Variants in ADAD1 observed in about 807,000 individuals in gnomAD.
ADAD1 encodes the protein adenosine deaminase domain-containing protein 1.
In ADAD1, 46 loss-of-function variants were observed where a neutral mutation model predicts 66.8. That is an observed-to-expected ratio of 0.69 (90% confidence interval 0.54 to 0.88). The LOEUF is 0.88. ADAD1 is among the 40% of genes least tolerant of loss of function. ADAD1 has a pLI of 0.00. For synonymous variants in ADAD1, 248 were observed against 229.4 expected (o/e 1.08, Z -0.73); for missense variants, 617 against 681.8 (o/e 0.91, Z 1.06).
At position 122,379,045 on chromosome 4, in the gene ADAD1, C is replaced by T. The variant is rs1794739254; in HGVS notation, c.-153C>T. 1 of 152,320 alleles carries T rather than the reference C, an allele frequency of 6.6e-6. No individual in the cohort carries two copies. The highest frequency in any genetic ancestry group is 1.5e-5 in the Non-Finnish European group (1 of 68,052). 9.4% of individuals were successfully genotyped at this position (152,320 alleles called of 1,614,324 possible). A position where few individuals can be genotyped will look rare whatever the true frequency, so the allele number is the denominator to read the frequency against. ...AAGGCCACAGTGGAGGCCAAGCCTT[C>T]CCCATGGGCACCTTCTCAGATTGCG... On this transcript the variant is annotated 5_prime_UTR_variant, in exon 1 of 13. Transcript: ENST00000296513.
intron 11 of ADAD1, among the ~76,000 whole-genome samples, chr4:122,417,421 A>G (rs1796788880): frequency 6.6e-6 from 1 of 151,796 alleles, no homozygotes; most frequent in African/African-American, 2.4e-5. Context: ...ACAATAAGAC[A>G]AAAAAAACCT....
At chr4:122,381,237 T>G (rs1257554087) in intron 4 of ADAD1, 57 bp downstream of exon 4, 20 of 1,464,734 alleles carry the variant, frequency 1.4e-5, no homozygotes, top group Non-Finnish European at 1.7e-5. Context: ...GCAAAATAAT[T>G]GTGCTAAGTT....
At chr4:122,392,501 T>A (rs1580750912) in intron 5 of ADAD1, among the ~76,000 whole-genome samples, 1 of 152,300 alleles carries the variant, frequency 6.6e-6, no homozygotes, top group East Asian at 1.9e-4. Flanking sequence ...TAGGAGCTAC[T>A]CATTAAGCAT....
chr4:122,411,428 G>T, intron 9 of ADAD1, 36 bp downstream of exon 9: 1 of 1,563,356 alleles, frequency 6.4e-7, no homozygotes, highest in South Asian at 1.2e-5. Context: ...AAAGCAAGTA[G>T]GATGGCCATG....
intron 10 of ADAD1, among the ~76,000 whole-genome samples, chr4:122,413,948 C>T (rs911088507): frequency 2.7e-5 from 4 of 146,030 alleles, no homozygotes; most frequent in Non-Finnish European, 6.0e-5. Flanking sequence ...CTTGGAGTTT[C>T]GTGTTATTTC....
chr4:122,421,458 A>G, intron 12 of ADAD1, 68 bp downstream of exon 12: 3 of 1,341,588 alleles, frequency 2.2e-6, no homozygotes, highest in East Asian at 5.2e-5. Flanking sequence ...TCATTTTAAA[A>G]TGGTTATCCT....
At chr4:122,428,973 G>A (rs923358443) in intron 12 of ADAD1, among the ~76,000 whole-genome samples, 10 of 152,020 alleles carry the variant, frequency 6.6e-5, no homozygotes, top group Middle Eastern at 3.4e-3. Flanking sequence ...ATGAAAATTC[G>A]CCAAAATATT....
chr4:122,379,922 C>A, intron 2 of ADAD1, 140 bp from the exon 3 acceptor site: 1 of 801,468 alleles, frequency 1.2e-6, no homozygotes, highest in Admixed American at 2.9e-5. Flanking sequence ...GAGATCAGTT[C>A]AAGAGGGATT....
At position 122,383,791 on chromosome 4, in the gene ADAD1, T is replaced by A. The variant is rs764536577; in HGVS notation, c.362-8T>A. The A allele has an allele frequency of 6.3e-7, 1 of 1,580,192 alleles. No individual in the cohort carries two copies. The highest frequency in any genetic ancestry group is 1.2e-5 in the South Asian group (1 of 83,028). On this transcript the variant is annotated splice_polypyrimidine_tract_variant and splice_region_variant and intron_variant, in intron 4 of 12. Transcript: ENST00000296513. ...TATTGTAGCATTCATTCTGAGTTCT[T>A]TTTCAAGGTAATGTTATGGGACCAT...
intron 11 of ADAD1, among the ~76,000 whole-genome samples, chr4:122,415,819 CAG>C (rs1796706792): frequency 1.3e-5 from 2 of 151,832 alleles, no homozygotes; most frequent in African/African-American, 4.8e-5. Context: ...GATGAGAAGA[CAG>C]ATGTGGAGAA....
chr4:122,392,977 G>T (rs6814233), intron 5 of ADAD1, among the ~76,000 whole-genome samples: 37,466 of 150,610 alleles, frequency 0.25, 5,643 homozygotes, highest in Middle Eastern at 0.51. Flanking sequence ...ATTCTTAAGA[G>T]AAACTGACTA....
At chr4:122,390,472 C>T (rs964401053) in intron 5 of ADAD1, among the ~76,000 whole-genome samples, 1 of 152,188 alleles carries the variant, frequency 6.6e-6, no homozygotes, top group Non-Finnish European at 1.5e-5. Context: ...TGTTTCCATT[C>T]TCTCTGTCTC....
chr4:122,396,360 C>T lies in ADAD1; in HGVS notation c.707C>T (p.Ala236Val), dbSNP rs769838513. 6.3e-7 allele frequency: 1 copy of T among 1,579,656 alleles called. No individual in the cohort carries two copies. Among genetic ancestry groups the T allele is most frequent in the Non-Finnish European group, 8.6e-7 (1 of 1,166,222 alleles). ...CTGAAATATAGCAGTTCATTGGCTG[C>T]TTTTATAATTGAAAGAGGTAAGTCC... ...EYLKYSSSLAAFIIERAGQHE... is the reference protein window; with the variant it reads ...EYLKYSSSLAVFIIERAGQHE... The change falls in exon 7 of 13, where the codon GCT becomes GTT. Residue 236 changes from alanine (A) to valine (V), a missense_variant. Transcript: ENST00000296513.
rs756268316 is a variant in ADAD1 at position 122,408,046 on chromosome 4, A to G, written c.848+15A>G. 1 of 1,599,338 alleles carries G rather than the reference A, an allele frequency of 6.3e-7. No individual in the cohort carries two copies. On this transcript the variant is annotated intron_variant, in intron 8 of 12. Transcript: ENST00000296513. ...TCTCTTCTTAGGTAAGACAATACAT[A>G]TATTAATGTTATTAAATATGAATGC...
At chr4:122,411,540 C>A in intron 9 of ADAD1, 148 bp downstream of exon 9, 2 of 755,556 alleles carry the variant, frequency 2.6e-6, no homozygotes, top group Non-Finnish European at 4.1e-6. Context: ...CAGGAGACCC[C>A]AAATCCTTTT....
chr4:122,385,366 G>A (rs1178972464), intron 5 of ADAD1, among the ~76,000 whole-genome samples: 3 of 151,922 alleles, frequency 2.0e-5, no homozygotes, highest in Admixed American at 1.3e-4. Flanking sequence ...TCCCCCTCCC[G>A]GGTTCAAGTG....
At position 122,412,669 on chromosome 4, in the gene ADAD1, T is replaced by C; in HGVS notation, c.1109T>C (p.Val370Ala). 6.2e-7 allele frequency: 1 copy of C among 1,613,930 alleles called. No homozygotes were observed. The highest frequency in any genetic ancestry group is 8.5e-7 in the Non-Finnish European group (1 of 1,179,802). ...GTTGAAGGCAAAATTTATCTGACTG[T>C]TTACTGTCCTAAAGATGGTGTTAAT... ...VAVEGKIYLT[V>A]YCPKDGVNRI... Residue 370 changes from valine (V) to alanine (A), a missense_variant, in exon 10 of 13, where the codon GTT (valine) becomes GCT (alanine). Transcript: ENST00000296513.
Position 122,385,383 on chromosome 4 carries a change from A to G in ADAD1, c.529+1417A>G, listed in dbSNP as rs181336982. Among the ~76,000 whole-genome samples, 1,058 of 151,962 alleles carry G rather than the reference A, an allele frequency of 7.0e-3. 7 individuals are homozygous for G. The highest frequency in any genetic ancestry group is 0.024 in the African/African-American group (1,003 of 41,452). On this transcript the variant is annotated intron_variant, in intron 5 of 12. Coordinates refer to ENST00000296513, the MANE Select transcript of ADAD1 (RefSeq NM_139243.4). ...CCCCTCCCGGGTTCAAGTGATTCTC[A>G]TTCCTCAGCCTCCCTAGTAGCTGGG...
At chr4:122,416,171 T>C (rs545822538) in intron 11 of ADAD1, among the ~76,000 whole-genome samples, 6 of 152,326 alleles carry the variant, frequency 3.9e-5, no homozygotes, top group African/African-American at 1.4e-4. Context: ...TTAAATATCT[T>C]GCCTAAGGTT....
Sources: allele counts gnomAD v4.1 joint callset (sites outside exome capture counted in the v4.1 genomes callset), GRCh38; gene constraint gnomAD v4.1.1; transcripts MANE v1.5; gene names NCBI Gene and HGNC (gene_info 2026-07-23, HGNC 2026-07-21).